PRKG1: variants seen among roughly 807,000 people sequenced by gnomAD.
PRKG1 encodes cGMP-dependent protein kinase 1.
In PRKG1, 35 loss-of-function variants were observed where a neutral mutation model predicts 88.1. That is an observed-to-expected ratio of 0.40 (90% CI 0.30 to 0.53). PRKG1 has a LOEUF of 0.53. PRKG1 is among the 20% of genes least tolerant of loss of function. The pLI is 0.59. For missense variants in PRKG1, 540 were observed against 839.8 expected, an observed-to-expected ratio of 0.64 and a Z score of 4.41; for synonymous variants, 303 against 292.5, an observed-to-expected ratio of 1.04 and a Z score of -0.37.
intron 3 of PRKG1, among the ~76,000 whole-genome samples, chr10:51,670,710 T>C (rs989656523): frequency 5.4e-5 from 8 of 146,826 alleles, no homozygotes; most frequent in African/African-American, 2.0e-4. Context: ...CACTCCAGCC[T>C]GGGCGACAGA....
intron 5 of PRKG1, among the ~76,000 whole-genome samples, chr10:51,996,175 C>T (rs1394437661): frequency 4.0e-5 from 6 of 151,540 alleles, no homozygotes; most frequent in South Asian, 2.1e-4. Flanking sequence ...TAGCCGGGCA[C>T]GTGGTGGCGC....
intron 2 of PRKG1, among the ~76,000 whole-genome samples, chr10:51,343,475 C>T (rs1368240945): frequency 6.6e-6 from 1 of 151,984 alleles, no homozygotes; most frequent in African/African-American, 2.4e-5. Flanking sequence ...AGCAAAATAT[C>T]TTTTAAAAAC....
intron 3 of PRKG1, among the ~76,000 whole-genome samples, chr10:51,772,476 A>C (rs945373933): frequency 3.9e-5 from 6 of 152,154 alleles, no homozygotes; most frequent in Admixed American, 3.3e-4. Context: ...ACATTAAAGC[A>C]GGTGACTGAC....
At chr10:52,239,176 T>TG (rs1180214104) in intron 9 of PRKG1, among the ~76,000 whole-genome samples, 1 of 58,836 alleles carries the variant, frequency 1.7e-5, no homozygotes, top group African/African-American at 7.1e-5. Context: ...TGTGGTGGGG[T>TG]GGGGGGAGGG....
chr10:52,057,882 CA>C lies in PRKG1; in HGVS notation c.840+3322del, dbSNP rs539481020. On this transcript the variant is annotated intron_variant, in intron 6 of 17. Coordinates refer to ENST00000373980, the MANE Select transcript of PRKG1 (RefSeq NM_006258.4). ...ACATTATGGTGAAACCTCTGAGAAA[CA>C]TTTTTTTTAATATCAAGAACAAGAT... Among the ~76,000 whole-genome samples, 425 of 151,890 alleles carry C rather than the reference CA, an allele frequency of 2.8e-3. 1 individual carries two copies. Among genetic ancestry groups the C allele is most frequent in the Non-Finnish European group, 4.7e-3 (320 of 67,922 alleles).
intron 3 of PRKG1, among the ~76,000 whole-genome samples, chr10:51,702,690 T>C (rs1191464446): frequency 6.6e-6 from 1 of 150,800 alleles, no homozygotes; most frequent in African/African-American, 2.5e-5. Context: ...TAATCCATTG[T>C]TCAAAATGAA....
intron 10 of PRKG1, among the ~76,000 whole-genome samples, chr10:52,263,851 G>A (rs1841497395): frequency 6.6e-6 from 1 of 152,022 alleles, no homozygotes; most frequent in South Asian, 2.1e-4. Context: ...CATTACAGGT[G>A]TAAACCACCA....
chr10:51,249,021 G>A (rs1044981182), intron 2 of PRKG1, among the ~76,000 whole-genome samples: 8 of 151,748 alleles, frequency 5.3e-5, no homozygotes, highest in African/African-American at 1.9e-4. Flanking sequence ...CTGGCTCATG[G>A]AGATTAAAAG....
At chr10:51,033,703 A>G (rs1843316972) in intron 1 of PRKG1, among the ~76,000 whole-genome samples, 1 of 152,204 alleles carries the variant, frequency 6.6e-6, no homozygotes, top group Non-Finnish European at 1.5e-5. Context: ...ATTAGTGATG[A>G]AAATTACTGT....
chr10:51,964,147 C>G (rs1287305171), intron 5 of PRKG1, among the ~76,000 whole-genome samples: 1 of 152,158 alleles, frequency 6.6e-6, no homozygotes, highest in Non-Finnish European at 1.5e-5. Flanking sequence ...TATCCTTTTG[C>G]TGACATTGAC....
chr10:51,682,339 C>T (rs1000392302), intron 3 of PRKG1, among the ~76,000 whole-genome samples: 9 of 152,176 alleles, frequency 5.9e-5, no homozygotes, highest in African/African-American at 2.2e-4. Flanking sequence ...CCAGATCTTA[C>T]AGTCGGCTCC....
intron 9 of PRKG1, among the ~76,000 whole-genome samples, chr10:52,166,703 G>GTGTA (rs1838451204): frequency 2.3e-5 from 2 of 88,794 alleles, no homozygotes; most frequent in Non-Finnish European, 3.6e-5. Context: ...TATTTCTGAC[G>GTGTA]TGTATAGCTT....
intron 5 of PRKG1, among the ~76,000 whole-genome samples, chr10:51,936,874 C>T (rs1017611582): frequency 2.0e-5 from 3 of 151,856 alleles, no homozygotes; most frequent in Admixed American, 2.0e-4. Context: ...TAGAAACAAC[C>T]CATTTCTCCT....
chr10:51,703,345 T>C (rs1841521489), intron 3 of PRKG1, among the ~76,000 whole-genome samples: 1 of 152,244 alleles, frequency 6.6e-6, no homozygotes, highest in African/African-American at 2.4e-5. Flanking sequence ...CAGTCATTTT[T>C]GAAATAAGTG....
intron 2 of PRKG1, among the ~76,000 whole-genome samples, chr10:51,226,407 G>T (rs992165452): frequency 3.9e-5 from 6 of 152,112 alleles, no homozygotes; most frequent in Non-Finnish European, 8.8e-5. Flanking sequence ...CATGGATGTT[G>T]TGTATCTGGT....
intron 4 of PRKG1, among the ~76,000 whole-genome samples, chr10:51,830,271 A>G (rs993888611): frequency 1.2e-4 from 19 of 152,304 alleles, no homozygotes; most frequent in Non-Finnish European, 2.4e-4. Flanking sequence ...CACACTCTTG[A>G]ATAATGAGTC....
intron 1 of PRKG1, among the ~76,000 whole-genome samples, chr10:50,995,199 A>G (rs1564565403): frequency 6.6e-6 from 1 of 152,246 alleles, no homozygotes; most frequent in Admixed American, 6.5e-5. Flanking sequence ...TTAAGCATGT[A>G]TCGTAGACGA....
At chr10:51,169,873 C>T (rs1383538750) in intron 2 of PRKG1, among the ~76,000 whole-genome samples, 1 of 152,072 alleles carries the variant, frequency 6.6e-6, no homozygotes, top group East Asian at 1.9e-4. Context: ...ACCCATTGAT[C>T]TGCCCTGCTT....
chr10:51,843,988 A>G (rs1840341220), intron 4 of PRKG1, among the ~76,000 whole-genome samples: 1 of 152,176 alleles, frequency 6.6e-6, no homozygotes, highest in Non-Finnish European at 1.5e-5. Flanking sequence ...TATCAGGAGT[A>G]TACATAGTAC....
Sources: gnomAD v4.1 joint callset for allele counts (sites outside exome capture counted in the v4.1 genomes callset) on GRCh38, gnomAD v4.1.1 for gene constraint, MANE v1.5 for transcripts, NCBI Gene and HGNC (gene_info 2026-07-23, HGNC 2026-07-21) for gene names.